CSMD3: variants seen among roughly 807,000 people sequenced by gnomAD.
The protein encoded by CSMD3 is CUB and Sushi multiple domains 3.
Under a neutral mutation model 435.2 loss-of-function variants are expected in CSMD3, and 177 were observed. The ratio of observed to expected loss-of-function variants is 0.41; its 90% CI spans 0.36 to 0.46. The LOEUF is 0.46. CSMD3 is among the 20% of genes least tolerant of loss of function. The pLI, the probability that CSMD3 is intolerant of heterozygous loss-of-function variation, is 0.34. For synonymous variants in CSMD3, 1,656 were observed against 1,520.5 expected (o/e 1.09, Z -2.07); for missense variants, 4,265 against 4,504.6 (o/e 0.95, Z 1.52).
intron 3 of CSMD3, among the ~76,000 whole-genome samples, chr8:113,227,934 T>C (rs1376902950): frequency 6.6e-6 from 1 of 151,622 alleles, no homozygotes; most frequent in East Asian, 1.9e-4. Flanking sequence ...CCAAAATTTG[T>C]CTATCAAGAT....
chr8:112,440,831 C>T (rs1814924949), intron 32 of CSMD3, among the ~76,000 whole-genome samples: 1 of 152,132 alleles, frequency 6.6e-6, no homozygotes, highest in South Asian at 2.1e-4. Flanking sequence ...GGTCATGATG[C>T]CCCAAGGCTG....
chr8:112,384,569 C>G (rs1431934419), intron 36 of CSMD3, among the ~76,000 whole-genome samples: 2 of 152,116 alleles, frequency 1.3e-5, no homozygotes, highest in African/African-American at 4.8e-5. Context: ...GTTTTTTAAG[C>G]TAAAATCTGT....
At chr8:112,612,512 C>G (rs555208204) in intron 22 of CSMD3, among the ~76,000 whole-genome samples, 18 of 151,978 alleles carry the variant, frequency 1.2e-4, no homozygotes, top group Non-Finnish European at 2.1e-4. Context: ...ATAGGATCAG[C>G]TGGAGAACGG....
intron 13 of CSMD3, among the ~76,000 whole-genome samples, chr8:112,724,781 A>G (rs1023708373): frequency 1.3e-5 from 2 of 152,044 alleles, no homozygotes; most frequent in Non-Finnish European, 2.9e-5. Flanking sequence ...ATGAAGTTGC[A>G]TTAACATTAA....
At chr8:112,437,815 T>C (rs1814539991) in intron 32 of CSMD3, among the ~76,000 whole-genome samples, 1 of 152,136 alleles carries the variant, frequency 6.6e-6, no homozygotes, top group South Asian at 2.1e-4. Context: ...TAGCGAATGT[T>C]TCAAGCTCGT....
At chr8:112,613,805 A>G (rs1163573133) in intron 22 of CSMD3, among the ~76,000 whole-genome samples, 1 of 152,138 alleles carries the variant, frequency 6.6e-6, no homozygotes, top group Non-Finnish European at 1.5e-5. Flanking sequence ...CTGAGCAGAT[A>G]AGACAATAAC....
At chr8:112,423,447 A>C (rs1372343405) in intron 32 of CSMD3, among the ~76,000 whole-genome samples, 2 of 152,182 alleles carry the variant, frequency 1.3e-5, no homozygotes, top group Non-Finnish European at 2.9e-5. Context: ...ATTGCTAAGA[A>C]ACTTACAAAT....
At chr8:112,678,570 A>C (rs4345583) in intron 16 of CSMD3, among the ~76,000 whole-genome samples, 118,302 of 151,996 alleles carry the variant, frequency 0.78, 46,590 homozygotes, top group African/African-American at 0.88. Flanking sequence ...TAATGATGCT[A>C]AGATCATTTA....
chr8:112,393,851 C>G (rs2129790658), intron 35 of CSMD3, among the ~76,000 whole-genome samples: 1 of 151,474 alleles, frequency 6.6e-6, no homozygotes, highest in Non-Finnish European at 1.5e-5. Flanking sequence ...ACACCATACT[C>G]TCCTGGTTTT....
intron 13 of CSMD3, among the ~76,000 whole-genome samples, chr8:112,741,794 A>AGAAGATAGATAGAT (rs151301351): frequency 6.7e-6 from 1 of 149,352 alleles, no homozygotes; most frequent in African/African-American, 2.5e-5. Context: ...AGATAGAGAG[A>AGAAGATAGATAGAT]AGATAGATAG....
intron 22 of CSMD3, among the ~76,000 whole-genome samples, chr8:112,601,909 G>T (rs1238260581): frequency 6.6e-6 from 1 of 152,106 alleles, no homozygotes; most frequent in African/African-American, 2.4e-5. Flanking sequence ...AGGTATTAGG[G>T]ATGTTAAAAA....
chr8:113,020,189 A>G (rs2086638062), intron 5 of CSMD3, among the ~76,000 whole-genome samples: 1 of 150,622 alleles, frequency 6.6e-6, no homozygotes, highest in African/African-American at 2.4e-5. Context: ...AAAAAAAAAA[A>G]AAGAATATAT....
chr8:113,357,691 T>C (rs1227206849), intron 1 of CSMD3, among the ~76,000 whole-genome samples: 2 of 152,140 alleles, frequency 1.3e-5, no homozygotes, highest in African/African-American at 2.4e-5. Flanking sequence ...AAAATTACAA[T>C]TGGGGGAGGG....
At chr8:113,098,443 G>A in intron 5 of CSMD3, 1 of 337,938 alleles carries the variant, frequency 3.0e-6, no homozygotes, top group Non-Finnish European at 5.6e-6. Flanking sequence ...TTAAACAAAG[G>A]AAAATTACTT....
chr8:113,041,217 A>G (rs867463428), intron 5 of CSMD3, among the ~76,000 whole-genome samples: 5,364 of 21,316 alleles, frequency 0.25, 147 homozygotes, highest in Middle Eastern at 0.38. Context: ...AAAAAAAAAA[A>G]GGGGGGGGTG....
intron 5 of CSMD3, among the ~76,000 whole-genome samples, chr8:113,024,838 C>T (rs1329096620): frequency 6.6e-6 from 1 of 152,094 alleles, no homozygotes; most frequent in Admixed American, 6.5e-5. Context: ...GAGTAATGTA[C>T]ATTGTACCTA....
chr8:113,150,392 C>T (rs1045790723), intron 4 of CSMD3, among the ~76,000 whole-genome samples: 2 of 151,892 alleles, frequency 1.3e-5, no homozygotes, highest in African/African-American at 4.8e-5. Context: ...AGCAAACTGC[C>T]TTGTTAAGGA....
chr8:112,848,698 T>C (rs1452141053), intron 11 of CSMD3, among the ~76,000 whole-genome samples: 1 of 152,128 alleles, frequency 6.6e-6, no homozygotes, highest in African/African-American at 2.4e-5. Flanking sequence ...TGGTGAGGCA[T>C]GGATGATTAC....
chr8:112,428,624 C>G (rs1586292653), intron 32 of CSMD3, among the ~76,000 whole-genome samples: 1 of 152,116 alleles, frequency 6.6e-6, no homozygotes, highest in African/African-American at 2.4e-5. Context: ...TTAGCAAATA[C>G]TTACCACCCT....
Sources: allele counts gnomAD v4.1 joint callset (sites outside exome capture counted in the v4.1 genomes callset), GRCh38; gene constraint gnomAD v4.1.1; transcripts MANE v1.5; gene names NCBI Gene and HGNC (gene_info 2026-07-23, HGNC 2026-07-21).